Variants in TACR1 observed in about 807,000 individuals in gnomAD.
The protein encoded by TACR1 is substance-P receptor.
A neutral mutation model predicts 35.8 loss-of-function variants in TACR1; 25 were observed. The ratio of observed to expected loss-of-function variants is 0.70; its 90% CI spans 0.51 to 0.98. TACR1 has a LOEUF of 0.98. Among genes scored for constraint, TACR1 ranks in the 50% least tolerant of loss-of-function variants. The pLI is 0.00. For synonymous variants in TACR1, 195 were observed against 206.7 expected, an observed-to-expected ratio of 0.94 and a Z score of 0.48; for missense variants, 478 against 522.9, an observed-to-expected ratio of 0.91 and a Z score of 0.84.
intron 1 of TACR1, among the ~76,000 whole-genome samples, chr2:75,157,505 T>C (rs760926505): frequency 7.2e-5 from 11 of 152,210 alleles, no homozygotes; most frequent in Non-Finnish European, 1.6e-4. Flanking sequence ...ACCCACCTTG[T>C]TCCTCCACCT....
At chr2:75,173,389 T>C (rs1440392680) in intron 1 of TACR1, among the ~76,000 whole-genome samples, 1 of 152,194 alleles carries the variant, frequency 6.6e-6, no homozygotes, top group African/African-American at 2.4e-5. Context: ...AAATAAGTGA[T>C]TTTTTTGAGC....
At chr2:75,078,864 G>A (rs947145932) in intron 2 of TACR1, among the ~76,000 whole-genome samples, 5 of 152,112 alleles carry the variant, frequency 3.3e-5, no homozygotes, top group Non-Finnish European at 5.9e-5. Flanking sequence ...GAGAGCTTTC[G>A]TTGCTTTAGA....
chr2:75,134,222 T>G (rs1445326919), intron 1 of TACR1, among the ~76,000 whole-genome samples: 3 of 152,350 alleles, frequency 2.0e-5, no homozygotes, highest in Admixed American at 1.3e-4. Flanking sequence ...GCTTTCACTT[T>G]ATGGACTTGC....
intron 1 of TACR1, among the ~76,000 whole-genome samples, chr2:75,164,575 A>AAAG (rs1675095351): frequency 6.6e-6 from 1 of 152,238 alleles, no homozygotes; most frequent in African/African-American, 2.4e-5. Context: ...GAAGAAAATG[A>AAAG]AAAATAATCT....
chr2:75,078,943 T>C (rs1395835523), intron 2 of TACR1, among the ~76,000 whole-genome samples: 1 of 152,062 alleles, frequency 6.6e-6, no homozygotes, highest in Non-Finnish European at 1.5e-5. Context: ...AAGGGAAAAA[T>C]ATGACAAAAT....
intron 1 of TACR1, among the ~76,000 whole-genome samples, chr2:75,151,577 G>A (rs925637195): frequency 6.6e-6 from 1 of 152,214 alleles, no homozygotes; most frequent in African/African-American, 2.4e-5. Context: ...GTACCTGGAT[G>A]CCCAGTCAAA....
chr2:75,186,155 C>T (rs907177199), intron 1 of TACR1, among the ~76,000 whole-genome samples: 9 of 151,910 alleles, frequency 5.9e-5, no homozygotes, highest in African/African-American at 1.7e-4. Flanking sequence ...GGGCGGATCA[C>T]GAGGTCAAGA....
intron 2 of TACR1, among the ~76,000 whole-genome samples, chr2:75,078,107 A>G (rs1673013993): frequency 6.6e-6 from 1 of 152,196 alleles, no homozygotes; most frequent in South Asian, 2.1e-4. Context: ...CAGATCACCG[A>G]GGTAGGTCTC....
At chr2:75,188,562 A>G (rs985466989) in intron 1 of TACR1, 4 of 152,242 alleles carry the variant, frequency 2.6e-5, no homozygotes, top group Admixed American at 6.5e-5. Flanking sequence ...GCAGAGTATC[A>G]TTACAGATTA....
At chr2:75,086,257 G>T (rs920354513) in intron 2 of TACR1, among the ~76,000 whole-genome samples, 1 of 152,204 alleles carries the variant, frequency 6.6e-6, no homozygotes, top group Non-Finnish European at 1.5e-5. Flanking sequence ...GGCTATGCAT[G>T]TCAAGTCTAG....
At chr2:75,197,596 A>G (rs1021026418) in intron 1 of TACR1, among the ~76,000 whole-genome samples, 5 of 152,196 alleles carry the variant, frequency 3.3e-5, no homozygotes, top group Admixed American at 2.0e-4. Context: ...GTGCTCCAAT[A>G]ATCAATTTTC....
chr2:75,176,957 C>T lies in TACR1; in HGVS notation c.389+21589G>A, dbSNP rs141087663. Among the ~76,000 whole-genome samples, 180 of 152,208 alleles carry T rather than the reference C, an allele frequency of 1.2e-3. 1 individual carries two copies. The highest frequency in any genetic ancestry group is 4.1e-3 in the African/African-American group (172 of 41,532). ...AAGGAACACTGTCTTCAGCAAAATC[C>T]TCAACCTCTTCTTCAAAGATTTCCT... is the stretch of plus-strand genomic sequence containing the variant. On this transcript the variant is annotated intron_variant, in intron 1 of 4. Transcript: ENST00000305249.
At position 75,048,941 on chromosome 2, in the gene TACR1, A is replaced by C; in HGVS notation, c.*491T>G. ...CTTAGAAGACAGGGCTAAATTTTTC[A>C]TTTAGATGTTATGTGGTGCCTTCTT... On this transcript the variant is annotated 3_prime_UTR_variant, in exon 5 of 5. Transcript: ENST00000305249. The C allele has an allele frequency of 6.4e-6, 1 of 155,072 alleles. No homozygotes were observed. The highest frequency in any genetic ancestry group is 2.0e-4 in the South Asian group (1 of 4,916). The allele number at this position is 155,072 out of a possible 1,614,324, so 9.6% of individuals were successfully genotyped here. A position where few individuals can be genotyped will look rare whatever the true frequency, so the allele number is the denominator to read the frequency against.
At chr2:75,173,214 T>G (rs899562835) in intron 1 of TACR1, among the ~76,000 whole-genome samples, 2 of 152,100 alleles carry the variant, frequency 1.3e-5, no homozygotes, top group African/African-American at 4.8e-5. Flanking sequence ...TGCAATCCAG[T>G]AAAAATTGCC....
At chr2:75,050,258 A>G (rs1164991520) in intron 4 of TACR1, among the ~76,000 whole-genome samples, 1 of 152,228 alleles carries the variant, frequency 6.6e-6, no homozygotes, top group Non-Finnish European at 1.5e-5. Context: ...CTTAACCTAA[A>G]AAAAGTGTAG....
chr2:75,047,961 A>T lies in TACR1; in HGVS notation c.*1471T>A, dbSNP rs919497357. 2 of 152,144 alleles carry T rather than the reference A, an allele frequency of 1.3e-5. No individual in the cohort carries two copies. Among genetic ancestry groups the T allele is most frequent in the African/African-American group, 4.8e-5 (2 of 41,416 alleles). The allele number at this position is 152,144 out of a possible 1,614,324, so 9.4% of individuals were successfully genotyped here. On this transcript the variant is annotated 3_prime_UTR_variant, in exon 5 of 5. Transcript: ENST00000305249. ...CCAGCCATATCTGGAAAAAACACAG[A>T]TTTGGGAGACAGAAAAAAAAACAAA... is the stretch of plus-strand genomic sequence containing the variant.
chr2:75,153,921 T>C (rs1490237727), intron 1 of TACR1, among the ~76,000 whole-genome samples: 1 of 152,200 alleles, frequency 6.6e-6, no homozygotes, highest in Non-Finnish European at 1.5e-5. Context: ...TCACTGATGG[T>C]GGGCAGCACT....
At chr2:75,050,014 C>G (rs1672436752) in intron 4 of TACR1, among the ~76,000 whole-genome samples, 1 of 152,202 alleles carries the variant, frequency 6.6e-6, no homozygotes, top group Non-Finnish European at 1.5e-5. Flanking sequence ...ATGGGGTCAG[C>G]AGACTTTGAG....
rs980185335 is a variant in TACR1, at chr2:75,047,941, CAT to C, written c.*1489_*1490del. 6.6e-6 allele frequency: 1 copy of C among 151,996 alleles called. No individual in the cohort carries two copies. Among genetic ancestry groups the C allele is most frequent in the Non-Finnish European group, 1.5e-5 (1 of 67,996 alleles). 9.4% of individuals were successfully genotyped at this position (151,996 alleles called of 1,614,324 possible). A position where few individuals can be genotyped will look rare whatever the true frequency, so the allele number is the denominator to read the frequency against. ...GTTACATGAAGCTTCTGCTTCCAGC[CAT>C]ATCTGGAAAAAACACAGATTTGGGA... On this transcript the variant is annotated 3_prime_UTR_variant, in exon 5 of 5. Coordinates refer to ENST00000305249, the MANE Select transcript of TACR1 (RefSeq NM_001058.4).
Sources: gnomAD v4.1 joint callset for allele counts (sites outside exome capture counted in the v4.1 genomes callset) on GRCh38, gnomAD v4.1.1 for gene constraint, MANE v1.5 for transcripts, NCBI Gene and HGNC (gene_info 2026-07-23, HGNC 2026-07-21) for gene names.